Variants in PPM1L observed in about 807,000 individuals in gnomAD.
The protein encoded by PPM1L is protein phosphatase, Mg2+/Mn2+ dependent 1L, also known as protein phosphatase 1L.
PPM1L carries 13 observed loss-of-function variants against 31.4 expected under a neutral mutation model. The ratio of observed to expected loss-of-function variants is 0.41; its 90% CI spans 0.27 to 0.66. PPM1L has a LOEUF of 0.66. Among genes scored for constraint, PPM1L ranks in the 30% least tolerant of loss-of-function variants. The pLI is 0.29. For missense variants in PPM1L, 326 were observed against 453.7 expected (o/e 0.72, Z 2.56); for synonymous variants, 184 against 175.4 (o/e 1.05, Z -0.39).
At chr3:161,045,462 GA>G (rs1470439145) in intron 2 of PPM1L, among the ~76,000 whole-genome samples, 1 of 152,208 alleles carries the variant, frequency 6.6e-6, no homozygotes, top group African/African-American at 2.4e-5. Context: ...TCAGGATTAA[GA>G]AACTTAATCA....
chr3:160,918,857 T>TA (rs143699676), intron 1 of PPM1L, among the ~76,000 whole-genome samples: 1 of 152,052 alleles, frequency 6.6e-6, no homozygotes, highest in African/African-American at 2.4e-5. Context: ...TTGCTAATGA[T>TA]AAAAAATTAG....
At chr3:160,759,185 C>A (rs1198577610) in intron 1 of PPM1L, among the ~76,000 whole-genome samples, 1 of 152,138 alleles carries the variant, frequency 6.6e-6, no homozygotes, top group Non-Finnish European at 1.5e-5. Flanking sequence ...GCTCCTGTCA[C>A]AGAAGAGGAA....
At chr3:161,017,918 A>G (rs761522091) in intron 2 of PPM1L, among the ~76,000 whole-genome samples, 3 of 152,152 alleles carry the variant, frequency 2.0e-5, no homozygotes, top group Non-Finnish European at 4.4e-5. Flanking sequence ...TTGAGTTTAC[A>G]CTAGAGGTTC....
intron 1 of PPM1L, among the ~76,000 whole-genome samples, chr3:160,934,115 T>C (rs1224478796): frequency 6.6e-6 from 1 of 152,208 alleles, no homozygotes; most frequent in African/African-American, 2.4e-5. Flanking sequence ...ATCTGGATGA[T>C]CAATTTTTTA....
chr3:161,066,832 C>T (rs1719755749), intron 3 of PPM1L, among the ~76,000 whole-genome samples: 1 of 152,210 alleles, frequency 6.6e-6, no homozygotes, highest in Non-Finnish European at 1.5e-5. Context: ...ACCTAATCAA[C>T]ATTTTAGTTT....
At chr3:160,770,418 T>G (rs1423379868) in intron 1 of PPM1L, among the ~76,000 whole-genome samples, 2 of 152,170 alleles carry the variant, frequency 1.3e-5, no homozygotes, top group Admixed American at 6.5e-5. Context: ...TTTACTGATA[T>G]AGTGAAAGAT....
At chr3:161,067,706 G>A (rs1267594196) in intron 3 of PPM1L, among the ~76,000 whole-genome samples, 3 of 152,202 alleles carry the variant, frequency 2.0e-5, no homozygotes, top group African/African-American at 7.2e-5. Flanking sequence ...TGAATGGTGA[G>A]ACCACAGCTG....
chr3:160,871,781 T>C (rs1712315074), intron 1 of PPM1L, among the ~76,000 whole-genome samples: 1 of 152,106 alleles, frequency 6.6e-6, no homozygotes, highest in African/African-American at 2.4e-5. Context: ...TCTTATTTTG[T>C]ATAATATTTA....
chr3:161,048,839 C>T (rs2108096435), intron 2 of PPM1L, among the ~76,000 whole-genome samples: 1 of 146,850 alleles, frequency 6.8e-6, no homozygotes, highest in African/African-American at 2.5e-5. Flanking sequence ...GACAAAAAAC[C>T]AAACACTGCA....
At chr3:160,775,346 C>T (rs899616457) in intron 1 of PPM1L, among the ~76,000 whole-genome samples, 1 of 152,154 alleles carries the variant, frequency 6.6e-6, no homozygotes, top group Non-Finnish European at 1.5e-5. Flanking sequence ...CACTCAGTTT[C>T]TAGCATTGTA....
At chr3:160,861,997 A>G (rs530581637) in intron 1 of PPM1L, among the ~76,000 whole-genome samples, 78 of 152,272 alleles carry the variant, frequency 5.1e-4, no homozygotes, top group Middle Eastern at 6.8e-3. Flanking sequence ...AAATATTCCC[A>G]TCTCAAGACT....
intron 1 of PPM1L, among the ~76,000 whole-genome samples, chr3:160,910,259 T>TTCCCCCTTCCCC (rs71147392): frequency 2.0e-5 from 1 of 50,050 alleles, no homozygotes. Flanking sequence ...CCCCTTCCCC[T>TTCCCCCTTCCCC]TTCCCCTTCC....
At chr3:160,931,032 T>G (rs2108079171) in intron 1 of PPM1L, among the ~76,000 whole-genome samples, 1 of 152,322 alleles carries the variant, frequency 6.6e-6, no homozygotes, top group African/African-American at 2.4e-5. Flanking sequence ...AAAAAAGTTT[T>G]AAAATGCATT....
intron 1 of PPM1L, among the ~76,000 whole-genome samples, chr3:160,866,868 A>G (rs910083727): frequency 6.6e-6 from 1 of 152,180 alleles, no homozygotes; most frequent in Non-Finnish European, 1.5e-5. Flanking sequence ...TTTTTGAGAC[A>G]GAATCTTGTT....
chr3:161,018,786 C>T (rs1009475247), intron 2 of PPM1L, among the ~76,000 whole-genome samples: 6 of 152,266 alleles, frequency 3.9e-5, no homozygotes, highest in East Asian at 1.9e-4. Context: ...TGACAAGAAT[C>T]GAAGCAGAAC....
At position 160,834,471 on chromosome 3, in the gene PPM1L, A is replaced by ATGTG. The variant is rs150328470; in HGVS notation, c.399+77803_399+77806dup. Among the ~76,000 whole-genome samples the ATGTG allele has an allele frequency of 9.1e-3, 1,270 of 139,032 alleles. 8 individuals are homozygous for ATGTG. Among genetic ancestry groups the ATGTG allele is most frequent in the South Asian group, 0.02 (84 of 4,170 alleles). 91.2% of individuals were successfully genotyped at this position (139,032 alleles called of 152,430 possible). A position where few individuals can be genotyped will look rare whatever the true frequency, so the allele number is the denominator to read the frequency against. The stretch of plus-strand genomic sequence containing the variant: ...TTTTTACATGCATTTGTGTATGTGT[A>ATGTG]TGTGTGTGTGTGTGTGTGTGTGTGT... On this transcript the variant is annotated intron_variant, in intron 1 of 3. Transcript: ENST00000498165.
intron 1 of PPM1L, among the ~76,000 whole-genome samples, chr3:160,834,471 A>C (rs111613482): frequency 7.2e-6 from 1 of 138,968 alleles, no homozygotes; most frequent in Non-Finnish European, 1.6e-5. Flanking sequence ...GTGTATGTGT[A>C]TGTGTGTGTG....
intron 3 of PPM1L, among the ~76,000 whole-genome samples, chr3:161,068,497 C>T (rs564030185): frequency 6.6e-6 from 1 of 152,236 alleles, no homozygotes; most frequent in Admixed American, 6.5e-5. Flanking sequence ...CTCATGCTCT[C>T]TACTGTCAAT....
intron 1 of PPM1L, among the ~76,000 whole-genome samples, chr3:160,832,819 A>G (rs760219452): frequency 2.0e-4 from 30 of 152,156 alleles, no homozygotes; most frequent in Non-Finnish European, 4.1e-4. Context: ...TTTGTTACAT[A>G]TGTAAATGTG....
Sources: gnomAD v4.1 joint callset for allele counts (sites outside exome capture counted in the v4.1 genomes callset) on GRCh38, gnomAD v4.1.1 for gene constraint, MANE v1.5 for transcripts, NCBI Gene and HGNC (gene_info 2026-07-23, HGNC 2026-07-21) for gene names.